Variants in NID2 observed in about 807,000 individuals in gnomAD.
NID2 encodes nidogen-2.
A neutral mutation model predicts 145.4 loss-of-function variants in NID2; 83 were observed. The ratio of observed to expected loss-of-function variants is 0.57; its 90% confidence interval spans 0.48 to 0.69. The LOEUF (loss-of-function observed/expected upper bound fraction) is 0.69, where lower values mean the gene tolerates loss of function less well. NID2 is among the 30% of genes least tolerant of loss of function. NID2 has a pLI of 0.00. For missense variants in NID2, 1,807 were observed against 1,765.7 expected, an observed-to-expected ratio of 1.02 and a Z score of -0.42; for synonymous variants, 739 against 701.3, an observed-to-expected ratio of 1.05 and a Z score of -0.85.
At chr14:52,007,475 A>C in intron 19 of NID2, 1 of 283,082 alleles carries the variant, frequency 3.5e-6, no homozygotes, top group Non-Finnish European at 6.7e-6. Context: ...GTTTATAGGT[A>C]AGTTATAGTG....
At chr14:52,049,042 T>C (rs2516585) in intron 5 of NID2, among the ~76,000 whole-genome samples, 78,326 of 151,916 alleles carry the variant, frequency 0.52, 20,528 homozygotes, top group South Asian at 0.6. Flanking sequence ...ATAAAGAAGT[T>C]TGCTGACACC....
chr14:52,036,651 T>C (rs2516593), intron 9 of NID2, among the ~76,000 whole-genome samples: 106,303 of 152,106 alleles, frequency 0.7, 37,350 homozygotes, highest in East Asian at 0.82. Context: ...GAATTTTCCA[T>C]GTTCTCGCCA....
chr14:52,050,564 T>C (rs1892649021), intron 5 of NID2, among the ~76,000 whole-genome samples: 1 of 152,158 alleles, frequency 6.6e-6, no homozygotes, highest in Non-Finnish European at 1.5e-5. Flanking sequence ...ATTTCCAAGC[T>C]CAGTTTCCAT....
chr14:52,008,927 AAC>A (rs1890899795), intron 18 of NID2: 1 of 152,240 alleles, frequency 6.6e-6, no homozygotes, highest in South Asian at 2.1e-4. Flanking sequence ...ATATATTCAT[AAC>A]AGATACTAAC....
chr14:52,026,608 T>C (rs2140371477), intron 12 of NID2, among the ~76,000 whole-genome samples: 1 of 152,372 alleles, frequency 6.6e-6, no homozygotes, highest in African/African-American at 2.4e-5. Context: ...CAGAGAGTTA[T>C]GTCGAGCCTT....
chr14:52,043,879 G>A (rs904925165), intron 5 of NID2, among the ~76,000 whole-genome samples: 12 of 152,104 alleles, frequency 7.9e-5, no homozygotes, highest in African/African-American at 1.9e-4. Context: ...GAGGCCAAGC[G>A]GCTGCACACA....
intron 9 of NID2, among the ~76,000 whole-genome samples, chr14:52,037,878 T>C (rs1157211582): frequency 6.6e-6 from 1 of 152,232 alleles, no homozygotes. Context: ...TAAAAATTTA[T>C]CTCTTTTTGA....
At chr14:52,048,668 C>T (rs1479244052) in intron 5 of NID2, among the ~76,000 whole-genome samples, 1 of 152,080 alleles carries the variant, frequency 6.6e-6, no homozygotes, top group Non-Finnish European at 1.5e-5. Context: ...GGCTCTAAAT[C>T]CCATCAAATT....
At chr14:52,005,605 G>A in intron 21 of NID2, 109 bp from the exon 22 acceptor site, 1 of 1,459,502 alleles carries the variant, frequency 6.9e-7, no homozygotes, top group Non-Finnish European at 9.5e-7. Flanking sequence ...ATTTAAGGTA[G>A]TAAAGACTGG....
At chr14:52,058,279 T>C (rs1007329459) in intron 3 of NID2, among the ~76,000 whole-genome samples, 1 of 152,198 alleles carries the variant, frequency 6.6e-6, no homozygotes, top group African/African-American at 2.4e-5. Flanking sequence ...AAAGAACCAT[T>C]TTGGTTTTAA....
At chr14:52,026,949 G>A (rs1345430893) in intron 12 of NID2, among the ~76,000 whole-genome samples, 2 of 152,220 alleles carry the variant, frequency 1.3e-5, no homozygotes, top group Non-Finnish European at 2.9e-5. Flanking sequence ...AGGAACCAAG[G>A]TTAGAAGCTC....
chr14:52,044,688 C>T (rs1483687089), intron 5 of NID2, among the ~76,000 whole-genome samples: 3 of 152,120 alleles, frequency 2.0e-5, no homozygotes, highest in Non-Finnish European at 4.4e-5. Context: ...TCTCGGCTCA[C>T]TGAAAGCTCG....
chr14:52,038,944 A>G lies in NID2; in HGVS notation c.2060T>C (p.Leu687Pro), dbSNP rs878982261. Residue 687 changes from leucine to proline, a missense_variant, in exon 9 of 22, where the codon CTG (leucine) becomes CCG (proline). By Grantham distance (98) the Leu-to-Pro change is moderately conservative. Transcript: ENST00000216286. ...VTSTSSRDYS[L>P]TFGAINQTWS... ...TGTTTGGTTGATTGCACCAAAAGTCAGAGAGTAGTCTCTGGAACTTGTAGA... is the reference window on the plus strand; with the variant it reads ...TGTTTGGTTGATTGCACCAAAAGTCGGAGAGTAGTCTCTGGAACTTGTAGA... 9.3e-6 allele frequency: 15 copies of G among 1,613,922 alleles called. No individual in the cohort carries two copies. The South Asian group carries it at 1.2e-4, about 13-fold the overall frequency.
intron 9 of NID2, among the ~76,000 whole-genome samples, chr14:52,037,447 C>A (rs2140394124): frequency 6.6e-6 from 1 of 152,268 alleles, no homozygotes; most frequent in Middle Eastern, 3.4e-3. Flanking sequence ...CTCCCCACTC[C>A]CGGCACTGTT....
chr14:52,025,301 G>A (rs1198723888), intron 12 of NID2, among the ~76,000 whole-genome samples: 1 of 152,218 alleles, frequency 6.6e-6, no homozygotes, highest in East Asian at 1.9e-4. Context: ...ATCTATGACA[G>A]ATGGAGCTCC....
chr14:52,033,789 G>A (rs1293189778), intron 9 of NID2, among the ~76,000 whole-genome samples: 1 of 152,146 alleles, frequency 6.6e-6, no homozygotes, highest in Non-Finnish European at 1.5e-5. Context: ...CAAACACAAA[G>A]GGTTTAAAAG....
chr14:52,037,877 A>G (rs760408550), intron 9 of NID2, among the ~76,000 whole-genome samples: 1 of 152,228 alleles, frequency 6.6e-6, no homozygotes, highest in Non-Finnish European at 1.5e-5. Flanking sequence ...TTAAAAATTT[A>G]TCTCTTTTTG....
At chr14:52,056,991 A>AC in intron 3 of NID2, among the ~76,000 whole-genome samples, 1 of 152,278 alleles carries the variant, frequency 6.6e-6, no homozygotes, top group African/African-American at 2.4e-5. Context: ...CAGTTGTGAG[A>AC]CAAATTTGAG....
chr14:52,011,525 A>G (rs998812745), intron 17 of NID2, 29 bp downstream of exon 17: 1 of 1,613,214 alleles, frequency 6.2e-7, no homozygotes, highest in African/African-American at 1.3e-5. Context: ...AATCAAATGA[A>G]ATGCAGACTG....
Sources: gnomAD v4.1 joint callset for allele counts (sites outside exome capture counted in the v4.1 genomes callset) on GRCh38, gnomAD v4.1.1 for gene constraint, MANE v1.5 for transcripts, NCBI Gene and HGNC (gene_info 2026-07-23, HGNC 2026-07-21) for gene names.